Variants in UGT2B10 observed in about 807,000 individuals in gnomAD.
The protein encoded by UGT2B10 is UDP-glucuronosyltransferase 2B10.
Under a neutral mutation model 43.7 loss-of-function variants are expected in UGT2B10, and 51 were observed. The ratio of observed to expected loss-of-function variants is 1.17; its 90% CI spans 0.93 to 1.47. The LOEUF (loss-of-function observed/expected upper bound fraction) is 1.47. Among genes scored for constraint, UGT2B10 ranks in the 40% most tolerant of loss-of-function variants. The pLI, the probability that UGT2B10 is intolerant of heterozygous loss-of-function variation, is 0.00. For missense variants in UGT2B10, 696 were observed against 617.7 expected (o/e 1.13, Z -1.34); for synonymous variants, 225 against 209.0 (o/e 1.08, Z -0.66).
intron 2 of UGT2B10, among the ~76,000 whole-genome samples, chr4:68,820,210 A>T (rs547056651): frequency 6.6e-6 from 1 of 152,078 alleles, no homozygotes; most frequent in Non-Finnish European, 1.5e-5. Flanking sequence ...AGCTCTTGTT[A>T]TTAACTTGCA....
chr4:68,823,542 TA>T (rs1737621632), intron 3 of UGT2B10, among the ~76,000 whole-genome samples: 1 of 152,112 alleles, frequency 6.6e-6, no homozygotes, highest in Non-Finnish European at 1.5e-5. Context: ...GACTCTACTG[TA>T]GTATATTTCA....
intron 1 of UGT2B10, among the ~76,000 whole-genome samples, chr4:68,817,508 G>A (rs1263080991): frequency 6.6e-6 from 1 of 151,596 alleles, no homozygotes; most frequent in African/African-American, 2.4e-5. Context: ...ATCTTAGCTT[G>A]GATCCAAATG....
At chr4:68,826,202 G>A (rs1318977540) in intron 3 of UGT2B10, among the ~76,000 whole-genome samples, 2 of 151,868 alleles carry the variant, frequency 1.3e-5, no homozygotes, top group African/African-American at 4.8e-5. Context: ...TTTTTCTAAG[G>A]TATTACTTTG....
intron 1 of UGT2B10, among the ~76,000 whole-genome samples, chr4:68,817,515 A>G (rs572563572): frequency 4.6e-5 from 7 of 151,758 alleles, no homozygotes; most frequent in Non-Finnish European, 1.0e-4. Flanking sequence ...CTTGGATCCA[A>G]ATGAGTAGTT....
intron 2 of UGT2B10, among the ~76,000 whole-genome samples, chr4:68,820,543 T>C (rs1311358504): frequency 1.3e-5 from 2 of 152,120 alleles, no homozygotes; most frequent in Admixed American, 1.3e-4. Context: ...TAGAAACATA[T>C]GCCTACAATA....
At chr4:68,817,541 G>A (rs1427244188) in intron 1 of UGT2B10, among the ~76,000 whole-genome samples, 1 of 151,602 alleles carries the variant, frequency 6.6e-6, no homozygotes, top group Non-Finnish European at 1.5e-5. Flanking sequence ...AATGATTTCA[G>A]CCATACTCAC....
At position 68,816,309 on chromosome 4, in the gene UGT2B10, C is replaced by T. The variant is rs1284794164; in HGVS notation, c.290C>T (p.Ser97Leu). 2 of 1,612,988 alleles carry T rather than the reference C, an allele frequency of 1.2e-6. No individual in the cohort carries two copies. Among genetic ancestry groups the T allele is most frequent in the African/African-American group, 2.7e-5 (2 of 74,956 alleles). The change falls in exon 1 of 6, where the codon TCA (serine) becomes TTA (leucine). Residue 97 changes from serine (S) to leucine (L), a missense_variant. By Grantham distance (145) the Ser-to-Leu change is moderately radical. Coordinates refer to ENST00000265403, the MANE Select transcript of UGT2B10 (RefSeq NM_001075.6). ...ATCATGCAATTGGTTAAGAGATTGT[C>T]AGAAATTCAAAAAGATACATTTTGG... The part of the protein sequence containing the change: ...NIIMQLVKRL[S>L]EIQKDTFWLP...
intron 1 of UGT2B10, 50 bp from the exon 2 acceptor site, chr4:68,817,979 A>G: frequency 1.3e-6 from 2 of 1,565,108 alleles, no homozygotes; most frequent in Non-Finnish European, 8.6e-7. Context: ...AAAATTACAT[A>G]AAGTAATTAT....
intron 1 of UGT2B10, among the ~76,000 whole-genome samples, chr4:68,817,179 G>T (rs960612284): frequency 1.3e-5 from 2 of 151,734 alleles, no homozygotes; most frequent in Non-Finnish European, 2.9e-5. Context: ...GAAATTAAAA[G>T]ATGTTCCCAT....
In UGT2B10 at chr4:68,816,501, A is replaced by C. The variant is rs376619171; in HGVS notation, c.482A>C (p.Glu161Ala). 1.8e-4 allele frequency: 286 copies of C among 1,613,044 alleles called. No homozygotes were observed. Among genetic ancestry groups the C allele is most frequent in the Non-Finnish European group, 1.8e-4 (207 of 1,179,398 alleles). Reference protein sequence around the residue: ...AYLPCGELLAELFNIPFVYSH... With the variant: ...AYLPCGELLAALFNIPFVYSH... ...TTACCCTGTGGTGAGCTGCTGGCTG[A>C]GCTATTTAACATACCCTTTGTGTAC... Residue 161 changes from glutamate (E) to alanine (A), a missense_variant, in exon 1 of 6, where the codon GAG (glutamate) becomes GCG (alanine). Transcript: ENST00000265403.
intron 3 of UGT2B10, among the ~76,000 whole-genome samples, chr4:68,822,773 C>T (rs1737575269): frequency 6.6e-6 from 1 of 152,210 alleles, no homozygotes; most frequent in African/African-American, 2.4e-5. Flanking sequence ...GAAAATGGTG[C>T]TTAATGTAGT....
At chr4:68,817,732 A>T (rs1578262892) in intron 1 of UGT2B10, among the ~76,000 whole-genome samples, 1 of 151,798 alleles carries the variant, frequency 6.6e-6, no homozygotes, top group Non-Finnish European at 1.5e-5. Context: ...GAGAAAATAA[A>T]TTGATGTTTA....
chr4:68,817,977 A>G (rs1737296915), intron 1 of UGT2B10, 52 bp from the exon 2 acceptor site: 2 of 1,565,140 alleles, frequency 1.3e-6, no homozygotes, highest in East Asian at 2.3e-5. Flanking sequence ...AGAAAATTAC[A>G]TAAAGTAATT....
At chr4:68,830,484 C>G in intron 5 of UGT2B10, 116 bp from the exon 6 acceptor site, 1 of 1,265,146 alleles carries the variant, frequency 7.9e-7, no homozygotes, top group Non-Finnish European at 1.0e-6. Context: ...AATTCTATAT[C>G]AATTCTTTGA....
chr4:68,826,616 A>T, intron 4 of UGT2B10, 119 bp downstream of exon 4: 1 of 1,257,114 alleles, frequency 8.0e-7, no homozygotes, highest in Non-Finnish European at 1.1e-6. Flanking sequence ...GAACTTCTTT[A>T]TATTTATTTT....
In UGT2B10 at chr4:68,816,865, A is replaced by G. The variant is rs946673844; in HGVS notation, c.718+128A>G. The G allele has an allele frequency of 4.7e-6, 4 of 843,774 alleles. No homozygotes were observed. The African/African-American group carries it at 5.2e-5, about 11-fold the overall frequency. The allele number at this position is 843,774 out of a possible 1,614,324, so 52.3% of individuals were successfully genotyped here. A position where few individuals can be genotyped will look rare whatever the true frequency, so the allele number is the denominator to read the frequency against. On this transcript the variant is annotated intron_variant, in intron 1 of 5. Coordinates refer to ENST00000265403, the MANE Select transcript of UGT2B10 (RefSeq NM_001075.6). ...AATGAATTTATGAAATGAAAATACAAGATGATCTACCAATCTCACAAATAT... is the reference window on the plus strand; with the variant it reads ...AATGAATTTATGAAATGAAAATACAGGATGATCTACCAATCTCACAAATAT...
chr4:68,822,205 T>C, intron 2 of UGT2B10, 66 bp from the exon 3 acceptor site: 1 of 1,577,096 alleles, frequency 6.3e-7, no homozygotes, highest in African/African-American at 1.4e-5. Flanking sequence ...TTTGTACCAA[T>C]TCTTTCGGTA....
intron 2 of UGT2B10, among the ~76,000 whole-genome samples, chr4:68,818,730 G>C (rs1351746062): frequency 1.3e-5 from 2 of 151,826 alleles, no homozygotes; most frequent in East Asian, 3.9e-4. Flanking sequence ...GAAAAGAATG[G>C]TGGGGAGAGA....
chr4:68,827,041 C>A (rs1737816051), intron 4 of UGT2B10, among the ~76,000 whole-genome samples: 2 of 152,022 alleles, frequency 1.3e-5, no homozygotes, highest in South Asian at 4.1e-4. Flanking sequence ...TCATTTCATG[C>A]CCATCTCTTT....
Sources: gnomAD v4.1 joint callset for allele counts (sites outside exome capture counted in the v4.1 genomes callset) on GRCh38, gnomAD v4.1.1 for gene constraint, MANE v1.5 for transcripts, NCBI Gene and HGNC (gene_info 2026-07-23, HGNC 2026-07-21) for gene names.